NSUN6: variants seen among roughly 807,000 people sequenced by gnomAD.
The protein encoded by NSUN6 is NOP2/Sun RNA methyltransferase 6, also known as tRNA (cytosine(72)-C(5))-methyltransferase NSUN6.
Under a neutral mutation model 58.0 loss-of-function variants are expected in NSUN6, and 64 were observed. That is an observed-to-expected ratio of 1.10 (90% CI 0.90 to 1.36). The LOEUF (loss-of-function observed/expected upper bound fraction) is 1.36, where lower values mean the gene tolerates loss of function less well. Among genes scored for constraint, NSUN6 ranks in the 40% most tolerant of loss-of-function variants. The pLI, the probability that NSUN6 is intolerant of heterozygous loss-of-function variation, is 0.00. For synonymous variants in NSUN6, 231 were observed against 193.9 expected (o/e 1.19, Z -1.59); for missense variants, 701 against 550.1 (o/e 1.27, Z -2.74).
At chr10:18,644,250 C>A (rs1034992528) in intron 2 of NSUN6, among the ~76,000 whole-genome samples, 14 of 152,100 alleles carry the variant, frequency 9.2e-5, no homozygotes, top group Non-Finnish European at 1.8e-4. Flanking sequence ...GAATACAAAC[C>A]AAGCATCCCT....
At chr10:18,562,772 G>GAT (rs2055623437) in intron 8 of NSUN6, among the ~76,000 whole-genome samples, 2 of 151,128 alleles carry the variant, frequency 1.3e-5, no homozygotes, top group South Asian at 2.1e-4. Flanking sequence ...CAATGGAATG[G>GAT]AATGGATAAT....
intron 8 of NSUN6, among the ~76,000 whole-genome samples, chr10:18,584,986 T>C (rs545093769): frequency 1.2e-5 from 1 of 86,458 alleles, no homozygotes; most frequent in Admixed American, 1.2e-4. Context: ...CTTTCAAAAA[T>C]AGAGACCTAT....
chr10:18,583,944 G>A (rs1422179515), intron 8 of NSUN6, among the ~76,000 whole-genome samples: 3 of 151,998 alleles, frequency 2.0e-5, no homozygotes, highest in East Asian at 1.9e-4. Context: ...CTTCAGAAAC[G>A]CAAATTTAAT....
chr10:18,579,818 G>A (rs906409717), intron 8 of NSUN6, among the ~76,000 whole-genome samples: 7 of 152,112 alleles, frequency 4.6e-5, no homozygotes, highest in African/African-American at 1.2e-4. Flanking sequence ...AATTTAGTCT[G>A]CCTCAATAAA....
In NSUN6 at chr10:18,606,995, T is replaced by A. The variant is rs143273097; in HGVS notation, c.657+2850A>T. Among the ~76,000 whole-genome samples, 387 of 152,352 alleles carry A rather than the reference T, an allele frequency of 2.5e-3. 3 individuals are homozygous for A. The highest frequency in any genetic ancestry group is 8.9e-3 in the African/African-American group (372 of 41,594). ...AAACCAAAATGAAAACTGCAAATTA[T>A]GGCTACCAAGAGCTTCTTAGCTGTT... On this transcript the variant is annotated intron_variant, in intron 6 of 10. Coordinates refer to ENST00000377304, the MANE Select transcript of NSUN6 (RefSeq NM_182543.5).
chr10:18,625,669 C>A lies in NSUN6; in HGVS notation c.312-9376G>T, dbSNP rs1357935490. Among the ~76,000 whole-genome samples the A allele has an allele frequency of 4.4e-5, 6 of 137,552 alleles. No homozygotes were observed. In the South Asian group the frequency reaches 1.4e-3, roughly 33 times the overall value. 90.2% of individuals were successfully genotyped at this position (137,552 alleles called of 152,430 possible). A position where few individuals can be genotyped will look rare whatever the true frequency, so the allele number is the denominator to read the frequency against. On this transcript the variant is annotated intron_variant, in intron 3 of 10. Transcript: ENST00000377304. ...CAAAAGCTGCAGTGAGCCGAGATCG[C>A]GCCACTGCACTCCAGCCTGGGTGAC...
chr10:18,630,932 T>C (rs562097202), intron 3 of NSUN6, among the ~76,000 whole-genome samples: 21 of 151,898 alleles, frequency 1.4e-4, no homozygotes, highest in East Asian at 5.8e-4. Context: ...ATACCAAAGC[T>C]GGGCAGAGAC....
At chr10:18,583,752 C>CA (rs2057005537) in intron 8 of NSUN6, among the ~76,000 whole-genome samples, 2 of 152,060 alleles carry the variant, frequency 1.3e-5, no homozygotes, top group South Asian at 4.1e-4. Flanking sequence ...TAGAGGGGCT[C>CA]AACCAGAGTT....
intron 7 of NSUN6, among the ~76,000 whole-genome samples, chr10:18,588,163 G>A (rs1197966081): frequency 6.6e-6 from 1 of 152,196 alleles, no homozygotes; most frequent in African/African-American, 2.4e-5. Flanking sequence ...TTTGGACTGG[G>A]AAGAATTGAC....
In NSUN6 at chr10:18,546,070, C is replaced by CAA. The variant is rs2054238543; in HGVS notation, c.1271_1272dup (p.Asp425LeufsTer33). Reference sequence around the variant, plus strand: ...TCCGGTAATGGCACAGCCGATGGATCAAATCGCTGCAGCTGTTTCAACTGT... The same window carrying CAA: ...TCCGGTAATGGCACAGCCGATGGATCAAAAATCGCTGCAGCTGTTTCAACTGT... On this transcript the variant is annotated frameshift_variant, in exon 11 of 11. Coordinates refer to ENST00000377304, the MANE Select transcript of NSUN6 (RefSeq NM_182543.5). LOFTEE classifies it high-confidence loss of function. The CAA allele has an allele frequency of 6.2e-7, 1 of 1,608,556 alleles. No homozygotes were observed. The highest frequency in any genetic ancestry group is 1.3e-5 in the African/African-American group (1 of 74,678).
upstream of NSUN6, among the ~76,000 whole-genome samples, chr10:18,654,239 GTGCCTGC>G (rs1470423032): frequency 6.6e-6 from 1 of 151,988 alleles, no homozygotes; most frequent in Non-Finnish European, 1.5e-5. Flanking sequence ...GGTATTACAG[GTGCCTGC>G]CACCATGCCC....
intron 6 of NSUN6, among the ~76,000 whole-genome samples, chr10:18,599,882 T>C (rs950187834): frequency 6.6e-5 from 10 of 152,214 alleles, no homozygotes; most frequent in Admixed American, 5.9e-4. Context: ...ATTAGACAAT[T>C]AGTTCAACTG....
chr10:18,589,371 C>T (rs2057294319), intron 7 of NSUN6, among the ~76,000 whole-genome samples: 1 of 152,086 alleles, frequency 6.6e-6, no homozygotes. Flanking sequence ...AAGAACTTCC[C>T]CAACCTAGCA....
At chr10:18,577,012 A>G (rs2056683303) in intron 8 of NSUN6, among the ~76,000 whole-genome samples, 1 of 152,206 alleles carries the variant, frequency 6.6e-6, no homozygotes, top group South Asian at 2.1e-4. Flanking sequence ...CTGAGATCAA[A>G]TAGCTGCAGG....
intron 8 of NSUN6, among the ~76,000 whole-genome samples, 177 bp downstream of exon 8, chr10:18,585,772 C>T (rs542329244): frequency 8.8e-4 from 122 of 138,770 alleles, no homozygotes; most frequent in African/African-American, 3.2e-3. Flanking sequence ...TGTTTCAAAG[C>T]TGCTATGAGA....
At chr10:18,597,766 A>G (rs889469307) in intron 6 of NSUN6, among the ~76,000 whole-genome samples, 1 of 152,154 alleles carries the variant, frequency 6.6e-6, no homozygotes, top group Non-Finnish European at 1.5e-5. Flanking sequence ...AACTCCATCT[A>G]AAAATAAATA....
chr10:18,639,795 T>C (rs909124473), intron 3 of NSUN6, among the ~76,000 whole-genome samples: 9 of 152,200 alleles, frequency 5.9e-5, no homozygotes, highest in Non-Finnish European at 1.2e-4. Context: ...ATAGCCAGTA[T>C]TGGCAAGAAT....
At chr10:18,619,323 G>A (rs560842662) in intron 3 of NSUN6, among the ~76,000 whole-genome samples, 4 of 152,260 alleles carry the variant, frequency 2.6e-5, no homozygotes, top group East Asian at 1.9e-4. Context: ...GGGAACTTAC[G>A]GCTGCGCATT....
chr10:18,605,256 G>A (rs1369230860), intron 6 of NSUN6, among the ~76,000 whole-genome samples: 1 of 151,654 alleles, frequency 6.6e-6, no homozygotes, highest in African/African-American at 2.4e-5. Flanking sequence ...ATTAATTTGG[G>A]AATGGGCTCC....
Sources: allele counts gnomAD v4.1 joint callset (sites outside exome capture counted in the v4.1 genomes callset), GRCh38; gene constraint gnomAD v4.1.1; transcripts MANE v1.5; gene names NCBI Gene and HGNC (gene_info 2026-07-23, HGNC 2026-07-21).